Variants in OPCML observed in about 807,000 individuals in gnomAD.
The protein encoded by OPCML is opioid-binding protein/cell adhesion molecule.
Under a neutral mutation model 37.8 loss-of-function variants are expected in OPCML, and 13 were observed. That is an observed-to-expected ratio of 0.34 (90% CI 0.22 to 0.55). The LOEUF is 0.55. Ranked by LOEUF, OPCML falls within the 20% of genes least tolerant of loss-of-function variation. The probability of loss-of-function intolerance (pLI) is 0.91; values close to 1 mark genes in which losing one functional copy is unlikely to be tolerated. For missense variants in OPCML, 341 were observed against 435.6 expected, an observed-to-expected ratio of 0.78 and a Z score of 1.93; for synonymous variants, 176 against 168.8, an observed-to-expected ratio of 1.04 and a Z score of -0.33.
intron 3 of OPCML, among the ~76,000 whole-genome samples, chr11:132,618,954 TACACACACACACACACACACACAC>T (rs6144570): frequency 2.8e-5 from 4 of 145,442 alleles, no homozygotes; most frequent in East Asian, 2.0e-4. Context: ...AGCACACGCA[TACACACACACACACACACACACAC>T]ACACACACAC....
intron 1 of OPCML, chr11:133,003,930 A>G: frequency 1.0e-6 from 1 of 985,442 alleles, no homozygotes; most frequent in Non-Finnish European, 1.2e-6. Context: ...CTGGTCACAC[A>G]GGCTGGCAGC....
rs533282097 is a variant in OPCML, at chr11:133,457,953, T to G, written c.61+74311A>C. ...TGAGGTCAGGAGTTCGAGACCAGCC[T>G]GGCCAACATGGTGAAACCCTGTCTC... is the stretch of plus-strand genomic sequence containing the variant. On this transcript the variant is annotated intron_variant, in intron 1 of 7. Transcript: ENST00000524381. Among the ~76,000 whole-genome samples the G allele has an allele frequency of 7.2e-5, 11 of 152,126 alleles. No individual in the cohort carries two copies. In the East Asian group the frequency reaches 1.9e-3, roughly 27 times the overall value.
intron 1 of OPCML, among the ~76,000 whole-genome samples, chr11:133,435,654 A>C (rs1946218133): frequency 6.6e-6 from 1 of 152,244 alleles, no homozygotes; most frequent in Non-Finnish European, 1.5e-5. Flanking sequence ...AGTTTAAATA[A>C]AAGGAAAGGC....
At chr11:132,877,510 G>A (rs1943064745) in intron 2 of OPCML, among the ~76,000 whole-genome samples, 2 of 152,154 alleles carry the variant, frequency 1.3e-5, no homozygotes, top group East Asian at 3.9e-4. Flanking sequence ...TTTGTAGGAA[G>A]GGGCAGCAGG....
chr11:132,887,242 G>A (rs1943458919), intron 2 of OPCML, among the ~76,000 whole-genome samples: 1 of 152,172 alleles, frequency 6.6e-6, no homozygotes, highest in Non-Finnish European at 1.5e-5. Context: ...CACTAGCCTA[G>A]GAGCAGTCGG....
rs1027379677 is a variant in OPCML at position 132,416,901 on chromosome 11, C to G, written c.*3292G>C. The stretch of plus-strand genomic sequence containing the variant: ...CACTTGACATTAAACTACTGAAAAA[C>G]AAGCTTGGCTGCAGCCTTAACACGA... On this transcript the variant is annotated 3_prime_UTR_variant, in exon 8 of 8. Transcript: ENST00000524381. The G allele has an allele frequency of 6.6e-6, 1 of 152,578 alleles. No homozygotes were observed. The highest frequency in any genetic ancestry group is 1.5e-5 in the Non-Finnish European group (1 of 68,032). The allele number at this position is 152,578 out of a possible 1,614,324, so 9.5% of individuals were successfully genotyped here.
intron 1 of OPCML, among the ~76,000 whole-genome samples, chr11:133,010,616 T>C (rs536746975): frequency 3.3e-5 from 5 of 152,370 alleles, no homozygotes; most frequent in African/African-American, 1.2e-4. Flanking sequence ...TAAGATTCTA[T>C]CTTTAGCCTT....
chr11:133,032,209 C>A (rs1258078056), intron 1 of OPCML, among the ~76,000 whole-genome samples: 2 of 152,174 alleles, frequency 1.3e-5, no homozygotes, highest in African/African-American at 4.8e-5. Flanking sequence ...GTGACCTTGA[C>A]CTGGTTAAAT....
chr11:133,110,980 T>C (rs1949243139), intron 1 of OPCML, among the ~76,000 whole-genome samples: 1 of 152,176 alleles, frequency 6.6e-6, no homozygotes. Flanking sequence ...GGAATGATAA[T>C]AATAATACCT....
intron 4 of OPCML, among the ~76,000 whole-genome samples, chr11:132,458,083 T>C (rs1248235147): frequency 6.6e-6 from 1 of 152,118 alleles, no homozygotes; most frequent in African/African-American, 2.4e-5. Context: ...GAAAGACTAT[T>C]CTATCCTGAG....
chr11:132,937,498 G>GTGTGTGTATGTGTGTC (rs1945416952), intron 2 of OPCML, among the ~76,000 whole-genome samples: 1 of 151,540 alleles, frequency 6.6e-6, no homozygotes, highest in Non-Finnish European at 1.5e-5. Flanking sequence ...GAGAGAGAGT[G>GTGTGTGTATGTGTGTC]TGTGTGTATG....
At chr11:133,359,523 A>C (rs1322971849) in intron 1 of OPCML, among the ~76,000 whole-genome samples, 1 of 152,062 alleles carries the variant, frequency 6.6e-6, no homozygotes, top group Non-Finnish European at 1.5e-5. Context: ...TACTTGAAAA[A>C]GTTCTTCGAG....
intron 1 of OPCML, among the ~76,000 whole-genome samples, chr11:133,379,856 C>G (rs186830644): frequency 2.7e-3 from 417 of 152,246 alleles, no homozygotes; most frequent in Non-Finnish European, 4.9e-3. Flanking sequence ...TTTGTTTAAC[C>G]CAACACCTCC....
chr11:132,855,011 C>T (rs1941995113), intron 2 of OPCML, among the ~76,000 whole-genome samples: 1 of 152,152 alleles, frequency 6.6e-6, no homozygotes, highest in African/African-American at 2.4e-5. Flanking sequence ...GCCCAGGGAC[C>T]AAAGCCGCTT....
At chr11:132,710,785 G>A (rs766080892) in intron 2 of OPCML, among the ~76,000 whole-genome samples, 10 of 152,110 alleles carry the variant, frequency 6.6e-5, no homozygotes, top group Non-Finnish European at 8.8e-5. Context: ...AACATGGGAG[G>A]TGGAGGTTGC....
At chr11:133,323,630 T>C (rs1160253051) in intron 1 of OPCML, among the ~76,000 whole-genome samples, 1 of 152,138 alleles carries the variant, frequency 6.6e-6, no homozygotes, top group Non-Finnish European at 1.5e-5. Flanking sequence ...CTGACCCATC[T>C]CCAAGTGGGC....
intron 2 of OPCML, among the ~76,000 whole-genome samples, chr11:132,711,070 G>A (rs1293739652): frequency 6.6e-6 from 1 of 152,110 alleles, no homozygotes; most frequent in Non-Finnish European, 1.5e-5. Flanking sequence ...GAGACGTGGT[G>A]GGTGAACGAG....
intron 2 of OPCML, among the ~76,000 whole-genome samples, chr11:132,750,008 G>A (rs909692363): frequency 3.9e-5 from 6 of 151,924 alleles, no homozygotes; most frequent in Non-Finnish European, 7.4e-5. Context: ...TCAGCCTCCC[G>A]AGTAGCTGGG....
At chr11:133,019,008 C>T (rs780315669) in intron 1 of OPCML, among the ~76,000 whole-genome samples, 19 of 152,332 alleles carry the variant, frequency 1.2e-4, no homozygotes, top group South Asian at 2.1e-4. Flanking sequence ...ACCTACAATC[C>T]TCACATTCTC....
Sources: gnomAD v4.1 joint callset for allele counts (sites outside exome capture counted in the v4.1 genomes callset) on GRCh38, gnomAD v4.1.1 for gene constraint, MANE v1.5 for transcripts, NCBI Gene and HGNC (gene_info 2026-07-23, HGNC 2026-07-21) for gene names.